GRM8: variants seen among roughly 807,000 people sequenced by gnomAD.
GRM8 encodes metabotropic glutamate receptor 8.
GRM8 carries 47 observed loss-of-function variants against 87.2 expected under a neutral mutation model. The ratio of observed to expected loss-of-function variants is 0.54; its 90% CI spans 0.43 to 0.69. The LOEUF is 0.69. Ranked by LOEUF, GRM8 falls within the 30% of genes least tolerant of loss-of-function variation. GRM8 has a pLI of 0.00. For missense variants in GRM8, 1,019 were observed against 1,139.2 expected, an observed-to-expected ratio of 0.89 and a Z score of 1.52; for synonymous variants, 396 against 404.5, an observed-to-expected ratio of 0.98 and a Z score of 0.25.
chr7:126,946,538 G>C (rs1260090875), intron 3 of GRM8, among the ~76,000 whole-genome samples: 1 of 152,108 alleles, frequency 6.6e-6, no homozygotes, highest in African/African-American at 2.4e-5. Context: ...AAAGTCAAAA[G>C]AAAGGAAAGA....
chr7:126,804,282 C>A lies in GRM8; in HGVS notation c.1157-34217G>T, dbSNP rs149578062. Reference sequence around the variant, plus strand: ...GGAAAGCTCTTACTTAGCAGGATCACTTCTTTTCGTTATCTTTCCAAATAT... The same window carrying A: ...GGAAAGCTCTTACTTAGCAGGATCAATTCTTTTCGTTATCTTTCCAAATAT... On this transcript the variant is annotated intron_variant, in intron 6 of 10. Coordinates refer to ENST00000339582, the MANE Select transcript of GRM8 (RefSeq NM_000845.3). Among the ~76,000 whole-genome samples, 6 of 152,358 alleles carry A rather than the reference C, an allele frequency of 3.9e-5. No homozygotes were observed. The East Asian group carries it at 1.2e-3, about 29-fold the overall frequency.
At chr7:126,555,711 TA>T (rs1562951984) in intron 8 of GRM8, among the ~76,000 whole-genome samples, 2 of 152,242 alleles carry the variant, frequency 1.3e-5, no homozygotes, top group Non-Finnish European at 2.9e-5. Flanking sequence ...TCAAACTTTA[TA>T]GCTCTGTTTA....
chr7:127,119,878 C>G (rs777678080), intron 2 of GRM8, among the ~76,000 whole-genome samples: 3 of 152,186 alleles, frequency 2.0e-5, no homozygotes, highest in Non-Finnish European at 4.4e-5. Flanking sequence ...TAAGTGTTAG[C>G]ATTCCTTAGG....
chr7:127,160,532 C>CGCGT (rs1793037114), intron 2 of GRM8, among the ~76,000 whole-genome samples: 2 of 149,902 alleles, frequency 1.3e-5, no homozygotes, highest in Non-Finnish European at 2.9e-5. Flanking sequence ...CCATCACGCG[C>CGCGT]GCGCACACAC....
intron 6 of GRM8, among the ~76,000 whole-genome samples, chr7:126,891,797 C>A (rs188302283): frequency 1.2e-4 from 19 of 152,034 alleles, no homozygotes; most frequent in Admixed American, 1.2e-3. Context: ...AGACTGTAAG[C>A]CCCATGAGGA....
chr7:127,039,339 C>T (rs1818134504), intron 3 of GRM8, among the ~76,000 whole-genome samples: 1 of 152,034 alleles, frequency 6.6e-6, no homozygotes, highest in African/African-American at 2.4e-5. Context: ...AGAAGACCAA[C>T]CGAAGACACA....
intron 8 of GRM8, among the ~76,000 whole-genome samples, chr7:126,562,812 G>T (rs181005021): frequency 6.6e-6 from 1 of 152,090 alleles, no homozygotes; most frequent in Non-Finnish European, 1.5e-5. Context: ...CAGGAGAACC[G>T]CTTGAACCCA....
rs1007688123 is a variant in GRM8 at position 126,676,600 on chromosome 7, A to G, written c.1358-67102T>C. Reference sequence around the variant, plus strand: ...CTTACAACCAACTGATCTTCTACAAAGCGGACAAAAACATACACTAGGGAA... The same window carrying G: ...CTTACAACCAACTGATCTTCTACAAGGCGGACAAAAACATACACTAGGGAA... On this transcript the variant is annotated intron_variant, in intron 7 of 10. Transcript: ENST00000339582. Among the ~76,000 whole-genome samples, 8 of 152,210 alleles carry G rather than the reference A, an allele frequency of 5.3e-5. No individual in the cohort carries two copies. In the East Asian group the frequency reaches 1.2e-3, roughly 22 times the overall value.
intron 3 of GRM8, among the ~76,000 whole-genome samples, chr7:126,976,589 G>A (rs778034009): frequency 2.6e-5 from 4 of 151,966 alleles, no homozygotes; most frequent in African/African-American, 4.8e-5. Flanking sequence ...GCGAGACTCT[G>A]TCTCAAAACA....
At chr7:127,195,647 C>G (rs1472536787) in intron 2 of GRM8, among the ~76,000 whole-genome samples, 1 of 152,110 alleles carries the variant, frequency 6.6e-6, no homozygotes, top group Non-Finnish European at 1.5e-5. Flanking sequence ...CCACCATTTT[C>G]CCAGGAACAC....
chr7:126,775,849 C>A (rs1585885645), intron 6 of GRM8, among the ~76,000 whole-genome samples: 1 of 152,130 alleles, frequency 6.6e-6, no homozygotes, highest in African/African-American at 2.4e-5. Context: ...TCTTAGGGAC[C>A]TCTGTAATGG....
chr7:127,241,804 CT>C (rs1798321095), intron 2 of GRM8, among the ~76,000 whole-genome samples: 1 of 152,098 alleles, frequency 6.6e-6, no homozygotes, highest in Admixed American at 6.6e-5. Flanking sequence ...TCATGTCCCC[CT>C]GAGTAAGAAA....
chr7:127,196,993 C>T (rs1211914385), intron 2 of GRM8, among the ~76,000 whole-genome samples: 1 of 152,178 alleles, frequency 6.6e-6, no homozygotes, highest in Non-Finnish European at 1.5e-5. Flanking sequence ...ATCTCAGCCT[C>T]TCAAGCAGCT....
intron 6 of GRM8, among the ~76,000 whole-genome samples, chr7:126,902,165 T>C (rs1307705913): frequency 6.6e-6 from 1 of 152,216 alleles, no homozygotes; most frequent in East Asian, 1.9e-4. Context: ...TGAAAAATAC[T>C]GTCTTATAGC....
At chr7:127,235,555 G>A (rs192620364) in intron 2 of GRM8, among the ~76,000 whole-genome samples, 1 of 152,306 alleles carries the variant, frequency 6.6e-6, no homozygotes, top group East Asian at 1.9e-4. Context: ...AATTTGAAGA[G>A]CAAAGGGAAG....
chr7:127,228,525 G>A (rs1797485741), intron 2 of GRM8: 1 of 152,156 alleles, frequency 6.6e-6, no homozygotes, highest in African/African-American at 2.4e-5. Flanking sequence ...AGACAGCATT[G>A]AATCACCACC....
At chr7:126,731,318 C>G (rs1283168167) in intron 7 of GRM8, among the ~76,000 whole-genome samples, 1 of 152,110 alleles carries the variant, frequency 6.6e-6, no homozygotes, top group African/African-American at 2.4e-5. Flanking sequence ...TGCCTCTAGA[C>G]CCAACTTTGA....
At chr7:127,032,526 G>T (rs1033718352) in intron 3 of GRM8, among the ~76,000 whole-genome samples, 1 of 152,082 alleles carries the variant, frequency 6.6e-6, no homozygotes, top group Non-Finnish European at 1.5e-5. Context: ...GCAATGCTCT[G>T]CTCCTTATAG....
chr7:127,019,783 C>G (rs1321684885), intron 3 of GRM8, among the ~76,000 whole-genome samples: 1 of 151,922 alleles, frequency 6.6e-6, no homozygotes, highest in Non-Finnish European at 1.5e-5. Context: ...ATTATGTTAC[C>G]CAAAGCAAGT....
Sources: allele counts gnomAD v4.1 joint callset (sites outside exome capture counted in the v4.1 genomes callset), GRCh38; gene constraint gnomAD v4.1.1; transcripts MANE v1.5; gene names NCBI Gene and HGNC (gene_info 2026-07-23, HGNC 2026-07-21).